Variants in FBXW4 observed in about 807,000 individuals in gnomAD.
FBXW4 encodes the protein F-box/WD repeat-containing protein 4.
FBXW4 carries 40 observed loss-of-function variants against 61.8 expected under a neutral mutation model. That is an observed-to-expected ratio of 0.65 (90% CI 0.50 to 0.84). FBXW4 has a LOEUF of 0.84. Among genes scored for constraint, FBXW4 ranks in the 40% least tolerant of loss-of-function variants. The pLI is 0.00. For synonymous variants in FBXW4, 311 were observed against 313.8 expected, an observed-to-expected ratio of 0.99 and a Z score of 0.10; for missense variants, 672 against 753.8, an observed-to-expected ratio of 0.89 and a Z score of 1.27.
At chr10:101,619,963 C>A (rs1390815294) in intron 6 of FBXW4, among the ~76,000 whole-genome samples, 1 of 152,142 alleles carries the variant, frequency 6.6e-6, no homozygotes. Flanking sequence ...CTGATGGGAG[C>A]GCTGGTGCCC....
At chr10:101,635,929 G>A (rs577611273) in intron 5 of FBXW4, among the ~76,000 whole-genome samples, 8 of 152,082 alleles carry the variant, frequency 5.3e-5, no homozygotes, top group East Asian at 3.9e-4. Context: ...GGGGGCGGGC[G>A]GAGGGAAGAG....
intron 1 of FBXW4, among the ~76,000 whole-genome samples, chr10:101,687,366 C>T (rs927735513): frequency 1.3e-5 from 2 of 152,136 alleles, no homozygotes; most frequent in Non-Finnish European, 2.9e-5. Context: ...CCAACCCACA[C>T]AGCCAGTGAG....
chr10:101,611,451 T>A lies in FBXW4; in HGVS notation c.1585-41A>T. Reference sequence around the variant, plus strand: ...CAGGAAGTGGTAAGAGCTTTCCAAGTGGGACATGGGTGTGCCCTAACCCAG... The same window carrying A: ...CAGGAAGTGGTAAGAGCTTTCCAAGAGGGACATGGGTGTGCCCTAACCCAG... On this transcript the variant is annotated intron_variant, in intron 8 of 8. Coordinates refer to ENST00000331272, the MANE Select transcript of FBXW4 (RefSeq NM_022039.4). The surrounding 1 kb of genome is among the most constrained non-coding windows in gnomAD (Gnocchi z 4.9). 6.3e-7 allele frequency: 1 copy of A among 1,598,760 alleles called. No individual in the cohort carries two copies. The highest frequency in any genetic ancestry group is 8.5e-7 in the Non-Finnish European group (1 of 1,171,186).
At chr10:101,624,648 C>T (rs1298621245) in intron 6 of FBXW4, 97 bp downstream of exon 6, 2 of 1,348,286 alleles carry the variant, frequency 1.5e-6, no homozygotes, top group Admixed American at 1.7e-5. Flanking sequence ...TCCCAGCCTT[C>T]TCCTGGACCA....
At position 101,694,476 on chromosome 10, in the gene FBXW4, G is replaced by A; in HGVS notation, c.630C>T (p.Cys210=). The A allele has an allele frequency of 6.5e-7, 1 of 1,530,820 alleles. No individual in the cohort carries two copies. The highest frequency in any genetic ancestry group is 8.7e-7 in the Non-Finnish European group (1 of 1,150,106). 94.8% of individuals were successfully genotyped at this position (1,530,820 alleles called of 1,614,324 possible). A position where few individuals can be genotyped will look rare whatever the true frequency, so the allele number is the denominator to read the frequency against. ...AGCTGGTGAAGCGCCGCAGCCAGCG[G>A]CACACCTGGGCCAGGCGGCCGAGGG... The part of the protein sequence containing the change: ...MRALGRLAQV[C]RWLRRFTSCD... The change falls in exon 1 of 9, where the codon TGC becomes TGT. Residue 210 remains cysteine (C), a synonymous_variant. Coordinates refer to ENST00000331272, the MANE Select transcript of FBXW4 (RefSeq NM_022039.4). The surrounding 1 kb of genome is among the most constrained non-coding windows in gnomAD (Gnocchi z 6.0).
At chr10:101,648,765 A>G (rs951514566) in intron 5 of FBXW4, among the ~76,000 whole-genome samples, 1 of 152,162 alleles carries the variant, frequency 6.6e-6, no homozygotes, top group African/African-American at 2.4e-5. Context: ...TTTTAATACA[A>G]AAGTTAAAAT....
intron 1 of FBXW4, among the ~76,000 whole-genome samples, chr10:101,682,587 G>C (rs1377467730): frequency 6.6e-6 from 1 of 152,116 alleles, no homozygotes; most frequent in African/African-American, 2.4e-5. Flanking sequence ...GGAAGAAAAC[G>C]AAAGTAAAAG....
rs1285502602 is a variant in FBXW4, at chr10:101,611,680, G to C, written c.1532C>G (p.Ser511Cys). The C allele has an allele frequency of 6.2e-7, 1 of 1,614,206 alleles. No individual in the cohort carries two copies. The highest frequency in any genetic ancestry group is 1.7e-5 in the Admixed American group (1 of 60,024). The change falls in exon 8 of 9, where the codon TCC becomes TGC. Residue 511 changes from serine to cysteine, a missense_variant. By Grantham distance (112) the Ser-to-Cys change is moderately radical (BLOSUM62 -1). This residue lies in a region of FBXW4 where 312 missense variants were observed against 370.1 expected (regional missense o/e 0.84). Coordinates refer to ENST00000331272, the MANE Select transcript of FBXW4 (RefSeq NM_022039.4). This position sits in a 1 kb window ranked among gnomAD's most constrained non-coding sequence, Gnocchi z 4.9. Reference sequence around the variant, plus strand: ...CCACAGCCGTACAACACCGTAGTAGGAGGAACCTGTGGCCAGCAGGTGGTT... The same window carrying C: ...CCACAGCCGTACAACACCGTAGTAGCAGGAACCTGTGGCCAGCAGGTGGTT... ...DGNHLLATGS[S>C]YYGVVRLWDR... is the part of the protein sequence containing the mutation.
intron 3 of FBXW4, 110 bp downstream of exon 3, chr10:101,673,378 T>C (rs2064376334): frequency 1.6e-6 from 2 of 1,247,030 alleles, no homozygotes; most frequent in East Asian, 2.3e-5. Context: ...AAAACCCTTC[T>C]GGTCTCCCTC....
Position 101,637,155 on chromosome 10 carries a change from G to A in FBXW4, c.1236-12345C>T, listed in dbSNP as rs536092889. On this transcript the variant is annotated intron_variant, in intron 5 of 8. Transcript: ENST00000331272. ...TCCCAGCACTTTGGGAGGCTGAGGC[G>A]GGCGGATCACGAGGTCAGGAGATCA... 1.3e-4 allele frequency among the ~76,000 whole-genome samples: 19 copies of A among 150,710 alleles called. No individual in the cohort carries two copies. In the East Asian group the frequency reaches 1.8e-3, roughly 14 times the overall value.
intron 5 of FBXW4, among the ~76,000 whole-genome samples, chr10:101,644,137 T>C (rs2064077216): frequency 6.6e-6 from 1 of 152,168 alleles, no homozygotes. Context: ...AAATGGTAAT[T>C]TTCAGCCCAA....
At chr10:101,658,350 G>A (rs987718229) in intron 5 of FBXW4, among the ~76,000 whole-genome samples, 11 of 152,180 alleles carry the variant, frequency 7.2e-5, no homozygotes, top group Admixed American at 2.0e-4. Flanking sequence ...TTCAAGACCA[G>A]CCTGCCCAAC....
At chr10:101,650,185 G>C (rs1481503831) in intron 5 of FBXW4, among the ~76,000 whole-genome samples, 1 of 152,168 alleles carries the variant, frequency 6.6e-6, no homozygotes, top group Non-Finnish European at 1.5e-5. Context: ...ATTGGTCCTT[G>C]GTGGCTCTAC....
At chr10:101,662,032 G>A (rs1431781275) in intron 5 of FBXW4, among the ~76,000 whole-genome samples, 7 of 152,156 alleles carry the variant, frequency 4.6e-5, no homozygotes, top group Admixed American at 6.5e-5. Flanking sequence ...AGTACTCAGC[G>A]AGTTATGAAG....
At chr10:101,645,428 C>T (rs1374263478) in intron 5 of FBXW4, among the ~76,000 whole-genome samples, 1 of 152,226 alleles carries the variant, frequency 6.6e-6, no homozygotes, top group African/African-American at 2.4e-5. Context: ...GCCCCTGTGT[C>T]AGTCCTGTGT....
intron 1 of FBXW4, among the ~76,000 whole-genome samples, chr10:101,680,990 A>G (rs1332081102): frequency 3.9e-5 from 6 of 152,254 alleles, no homozygotes; most frequent in African/African-American, 1.4e-4. Flanking sequence ...GAGGATTGCA[A>G]AACATTTTGG....
At chr10:101,625,001 C>T in intron 5 of FBXW4, 191 bp from the exon 6 acceptor site, 1 of 651,094 alleles carries the variant, frequency 1.5e-6, no homozygotes. Flanking sequence ...GTGTAGCCCC[C>T]AGTGGTGCCT....
chr10:101,671,531 T>G (rs1353962753), intron 4 of FBXW4, among the ~76,000 whole-genome samples: 2 of 152,098 alleles, frequency 1.3e-5, no homozygotes, highest in Non-Finnish European at 2.9e-5. Context: ...GTTATAAAGC[T>G]TAGTTTTATA....
chr10:101,612,374 T>G lies in FBXW4; in HGVS notation c.1405A>C (p.Thr469Pro). 6.3e-7 allele frequency: 1 copy of G among 1,592,894 alleles called. No homozygotes were observed. Among genetic ancestry groups the G allele is most frequent in the Non-Finnish European group, 8.6e-7 (1 of 1,168,880 alleles). Residue 469 changes from threonine (T) to proline (P), a missense_variant, in exon 7 of 9, where the codon ACC becomes CCC. Thr to Pro is a conservative substitution (Grantham distance 38). This residue lies in a region of FBXW4 where 312 missense variants were observed against 370.1 expected (regional missense o/e 0.84). Transcript: ENST00000331272. ...PFTLLSCGYD[T>P]YVRYWDLRTS... ...CGGAGGTCCCAGTAGCGAACATAGGTGTCATAGCCACAGGACAGCAGTGTG... is the reference window on the plus strand; with the variant it reads ...CGGAGGTCCCAGTAGCGAACATAGGGGTCATAGCCACAGGACAGCAGTGTG...
Sources: allele counts gnomAD v4.1 joint callset (sites outside exome capture counted in the v4.1 genomes callset), GRCh38; gene constraint gnomAD v4.1.1; regional missense constraint gnomAD v4.1.1; non-coding constraint Gnocchi (gnomAD v3.1); transcripts MANE v1.5; gene names NCBI Gene and HGNC (gene_info 2026-07-23, HGNC 2026-07-21).